The following SRPRB variants were observed in gnomAD, a reference collection of about 807,000 sequenced individuals.
The protein encoded by SRPRB is signal recognition particle receptor subunit beta.
In SRPRB, 20 loss-of-function variants were observed where a neutral mutation model predicts 31.9. The ratio of observed to expected loss-of-function variants is 0.63; its 90% CI spans 0.44 to 0.91. The LOEUF is 0.91. SRPRB is among the 40% of genes least tolerant of loss of function. The pLI is 0.00. For missense variants in SRPRB, 321 were observed against 324.9 expected, an observed-to-expected ratio of 0.99 and a Z score of 0.09; for synonymous variants, 146 against 132.8, an observed-to-expected ratio of 1.10 and a Z score of -0.68.
At chr3:133,807,136 A>C (rs1935177116) in intron 2 of SRPRB, among the ~76,000 whole-genome samples, 1 of 151,842 alleles carries the variant, frequency 6.6e-6, no homozygotes, top group Non-Finnish European at 1.5e-5. Flanking sequence ...TTTTTAATAC[A>C]TTTAGTATTT....
chr3:133,810,906 T>C, intron 3 of SRPRB: 1 of 453,304 alleles, frequency 2.2e-6, no homozygotes, highest in Admixed American at 4.0e-5. Flanking sequence ...TATGTTCACC[T>C]TTCTCATAAA....
At chr3:133,818,785 AGTGTGTGTGTGTGTGTGTGT>A (rs146467727) in intron 6 of SRPRB, among the ~76,000 whole-genome samples, 2 of 144,102 alleles carry the variant, frequency 1.4e-5, no homozygotes, top group Non-Finnish European at 3.0e-5. Flanking sequence ...ATACTTTTAC[AGTGTGTGTGTGTGTGTGTGT>A]GTGTGTGTGT....
intron 2 of SRPRB, among the ~76,000 whole-genome samples, 181 bp downstream of exon 2, chr3:133,806,884 T>C (rs772676801): frequency 6.6e-6 from 1 of 152,078 alleles, no homozygotes; most frequent in Non-Finnish European, 1.5e-5. Context: ...GAAATATTGG[T>C]CATTTCTCCT....
Position 133,805,883 on chromosome 3 carries a change from G to T in SRPRB, c.35G>T (p.Gly12Val). The T allele has an allele frequency of 6.2e-7, 1 of 1,612,860 alleles. No homozygotes were observed. Among genetic ancestry groups the T allele is most frequent in the Non-Finnish European group, 8.5e-7 (1 of 1,179,478 alleles). The change falls in exon 1 of 7, where the codon GGC becomes GTC. Residue 12 changes from glycine to valine, a missense_variant. Transcript: ENST00000678299. ...ASADSRRVAD[G>V]GGAGGTFQPY... ...GCGGACTCGCGCCGGGTGGCAGATG[G>T]CGGCGGTGCCGGGGGCACCTTCCAG...
At position 133,815,664 on chromosome 3, in the gene SRPRB, T is replaced by A; in HGVS notation, c.485T>A (p.Val162Asp). Residue 162 changes from valine (V) to aspartate (D), a missense_variant, in exon 5 of 7, where the codon GTC becomes GAC. Physicochemically the swap from Val to Asp is radical, Grantham distance 152 (BLOSUM62 -3). Transcript: ENST00000678299. The stretch of plus-strand genomic sequence containing the variant: ...GATGTGGCTGAGTTTCTGTATCAAG[T>A]CCTCATTGACAGTATGGGTCTGAAG... ...VKDVAEFLYQVLIDSMGLKNT... is the reference protein window; with the variant it reads ...VKDVAEFLYQDLIDSMGLKNT... 1 of 1,614,044 alleles carries A rather than the reference T, an allele frequency of 6.2e-7. No individual in the cohort carries two copies. The highest frequency in any genetic ancestry group is 8.5e-7 in the Non-Finnish European group (1 of 1,179,990).
chr3:133,806,399 A>T (rs553404453), intron 1 of SRPRB, among the ~76,000 whole-genome samples: 1 of 152,312 alleles, frequency 6.6e-6, no homozygotes, highest in South Asian at 2.1e-4. Context: ...TCCCAGTCAG[A>T]GTAAGGACTG....
chr3:133,806,024 T>C, intron 1 of SRPRB, 22 bp downstream of exon 1: 1 of 1,608,670 alleles, frequency 6.2e-7, no homozygotes, highest in South Asian at 1.1e-5. Context: ...CCGGTGGTCA[T>C]GGCGGGTTTG....
At chr3:133,827,756 C>T (rs1002770662), downstream of SRPRB, 5 of 89,428 alleles carry the variant, frequency 5.6e-5, no homozygotes, top group South Asian at 8.0e-4. Flanking sequence ...ACCCCCCCCC[C>T]CCCCCGCCTC....
intron 1 of SRPRB, chr3:133,791,356 A>C (rs1235164505): frequency 6.6e-6 from 1 of 152,180 alleles, no homozygotes; most frequent in Non-Finnish European, 1.5e-5. Flanking sequence ...ATTCATGGCA[A>C]TGTGTTTGTT....
In SRPRB at chr3:133,784,977, C is replaced by T. The variant is rs1180688842; in HGVS notation, c.-174+833C>T. ...GGTCAGCCCCCCGCCTGGCCAGCCG[C>T]CCCGTCCGGGAGGGAGGTGGGGGGG... On this transcript the variant is annotated intron_variant, in intron 1 of 7. Transcript: ENST00000466490. The T allele has an allele frequency of 5.0e-5, 4 of 79,990 alleles. 1 individual carries two copies. The highest frequency in any genetic ancestry group is 9.4e-5 in the Non-Finnish European group (3 of 31,816). 5.0% of individuals were successfully genotyped at this position (79,990 alleles called of 1,614,324 possible). A position where few individuals can be genotyped will look rare whatever the true frequency, so the allele number is the denominator to read the frequency against.
rs1223844063 is a variant in SRPRB at position 133,819,649 on chromosome 3, A to C, written c.699A>C (p.Glu233Asp). Residue 233 changes from glutamate (E) to aspartate (D), a missense_variant, in exon 7 of 7, where the codon GAA (glutamate) becomes GAC (aspartate). Transcript: ENST00000678299. ...AQLGKKGKEF[E>D]FSQLPLKVEF... ...TGGGGAAGAAAGGCAAAGAGTTTGAATTCTCACAGTTGCCCCTCAAAGTGG... is the reference window on the plus strand; with the variant it reads ...TGGGGAAGAAAGGCAAAGAGTTTGACTTCTCACAGTTGCCCCTCAAAGTGG... 6 of 1,614,084 alleles carry C rather than the reference A, an allele frequency of 3.7e-6. No homozygotes were observed. In the East Asian group the frequency reaches 1.3e-4, roughly 36 times the overall value.
At chr3:133,803,519 G>A (rs1935092284), upstream of SRPRB, among the ~76,000 whole-genome samples, 1 of 152,148 alleles carries the variant, frequency 6.6e-6, no homozygotes, top group African/African-American at 2.4e-5. Flanking sequence ...CTGTGGCCTG[G>A]CTTTTGAGGG....
intron 1 of SRPRB, chr3:133,791,360 G>A (rs892558121): frequency 7.2e-5 from 11 of 152,158 alleles, no homozygotes; most frequent in Non-Finnish European, 1.3e-4. Flanking sequence ...ATGGCAATGT[G>A]TTTGTTTGCA....
chr3:133,804,653 A>G (rs1422976395), upstream of SRPRB, among the ~76,000 whole-genome samples: 2 of 151,912 alleles, frequency 1.3e-5, no homozygotes, highest in Non-Finnish European at 2.9e-5. Context: ...CTTTTGTGAC[A>G]GTTTTTGTCA....
At chr3:133,819,419 T>C in intron 6 of SRPRB, 134 bp from the exon 7 acceptor site, 1 of 709,760 alleles carries the variant, frequency 1.4e-6, no homozygotes, top group South Asian at 1.9e-5. Context: ...CAAAGGATTA[T>C]TCAACAATCT....
rs774325953 is a variant in SRPRB at position 133,819,538 on chromosome 3, C to T, written c.603-15C>T. 3.4e-5 allele frequency: 54 copies of T among 1,601,482 alleles called. No homozygotes were observed. In the African/African-American group the frequency reaches 5.1e-4, roughly 15 times the overall value. ...AAAAATTTTGCCTCCTGACTTCTTT[C>T]CTTTTGCCCCACAGCAACACCTTAC... On this transcript the variant is annotated splice_polypyrimidine_tract_variant and intron_variant, in intron 6 of 6. Coordinates refer to ENST00000678299, the MANE Select transcript of SRPRB (RefSeq NM_001379313.1).
upstream of SRPRB, among the ~76,000 whole-genome samples, chr3:133,803,551 A>C (rs1031910647): frequency 2.0e-5 from 3 of 152,102 alleles, no homozygotes; most frequent in Admixed American, 1.3e-4. Flanking sequence ...CATATTGCAA[A>C]TCTTCCTAAT....
chr3:133,817,489 A>G (rs927703131), intron 6 of SRPRB, among the ~76,000 whole-genome samples: 2 of 152,184 alleles, frequency 1.3e-5, no homozygotes, highest in Non-Finnish European at 2.9e-5. Context: ...ACTTGGCAAT[A>G]TTATATATCC....
chr3:133,815,575 G>T lies in SRPRB; in HGVS notation c.411-15G>T. The T allele has an allele frequency of 1.9e-6, 3 of 1,611,918 alleles. No homozygotes were observed. Among genetic ancestry groups the T allele is most frequent in the Non-Finnish European group, 2.5e-6 (3 of 1,179,190 alleles). On this transcript the variant is annotated splice_polypyrimidine_tract_variant and intron_variant, in intron 4 of 6. Transcript: ENST00000678299. ...ACACGTTCACATGCCAGTTTTTCTT[G>T]TTTTCTCCCTCCAGGGCTATTGTGT...
Sources: allele counts gnomAD v4.1 joint callset (sites outside exome capture counted in the v4.1 genomes callset), GRCh38; gene constraint gnomAD v4.1.1; transcripts MANE v1.5; gene names NCBI Gene and HGNC (gene_info 2026-07-23, HGNC 2026-07-21).